The following CCDC14 variants were observed in gnomAD, a reference collection of about 807,000 sequenced individuals.
CCDC14 encodes the protein coiled-coil domain-containing protein 14.
Under a neutral mutation model 81.4 loss-of-function variants are expected in CCDC14, and 71 were observed. The observed-to-expected ratio is 0.87, with a 90% confidence interval of 0.72 to 1.06. The LOEUF (loss-of-function observed/expected upper bound fraction) is 1.06, where lower values mean the gene tolerates loss of function less well. Ranked by LOEUF, CCDC14 falls within the 50% of genes least tolerant of loss-of-function variation. CCDC14 has a pLI of 0.00. For missense variants in CCDC14, 1,046 were observed against 1,047.3 expected (o/e 1.00, Z 0.02); for synonymous variants, 332 against 364.8 (o/e 0.91, Z 1.03).
chr3:123,936,858 A>G (rs1279830981), intron 9 of CCDC14, among the ~76,000 whole-genome samples: 4 of 152,086 alleles, frequency 2.6e-5, no homozygotes, highest in African/African-American at 9.6e-5. Context: ...TTCAAAAAAC[A>G]TATTCATCAC....
rs2148778195 is a variant in CCDC14 at position 123,914,860 on chromosome 3, G to A, written c.2637C>T (p.Asp879=). 6.2e-7 allele frequency: 1 copy of A among 1,611,512 alleles called. No homozygotes were observed. Among genetic ancestry groups the A allele is most frequent in the African/African-American group, 1.3e-5 (1 of 75,016 alleles). Residue 879 remains aspartate, a synonymous_variant, in exon 13 of 13, where the codon GAC becomes GAT. Transcript: ENST00000409697. ...CTAATGCCGCAAGGCCATTTCTGAA[G>A]TCTTGTTCATCACGAGAAGTGAACG... ...FSTFTSRDEQ[D]FRNGLAALDA...
At chr3:123,925,801 A>G (rs552421619) in intron 12 of CCDC14, among the ~76,000 whole-genome samples, 6 of 152,306 alleles carry the variant, frequency 3.9e-5, no homozygotes, top group African/African-American at 1.2e-4. Context: ...GTCTCACTCC[A>G]AAATACAATA....
chr3:123,958,422 C>G (rs2037473393), intron 1 of CCDC14: 1 of 152,038 alleles, frequency 6.6e-6, no homozygotes, highest in Admixed American at 6.6e-5. Context: ...GATAAAAGCA[C>G]CTTGAAACAG....
intron 9 of CCDC14, among the ~76,000 whole-genome samples, chr3:123,938,594 T>C (rs894965914): frequency 2.0e-5 from 3 of 151,938 alleles, no homozygotes; most frequent in African/African-American, 7.2e-5. Context: ...TTTTATTTCT[T>C]CTTGCCTTAC....
intron 5 of CCDC14, among the ~76,000 whole-genome samples, chr3:123,897,977 T>C (rs1229666467): frequency 1.3e-5 from 2 of 152,228 alleles, no homozygotes; most frequent in African/African-American, 4.8e-5. Context: ...ATAAACTCAA[T>C]TTCCTACATA....
the CCDC14 span, among the ~76,000 whole-genome samples, chr3:123,887,341 A>G: frequency 6.6e-6 from 1 of 152,100 alleles, no homozygotes; most frequent in Non-Finnish European, 1.5e-5. Flanking sequence ...ATTCCTTAGG[A>G]AGGGCTCATG....
intron 12 of CCDC14, among the ~76,000 whole-genome samples, chr3:123,922,761 G>C (rs2035128492): frequency 6.6e-6 from 1 of 152,058 alleles, no homozygotes; most frequent in Non-Finnish European, 1.5e-5. Context: ...CAGCTTTATA[G>C]CTGAATTCTA....
At chr3:123,932,582 T>C (rs575306985) in intron 10 of CCDC14, among the ~76,000 whole-genome samples, 1 of 152,322 alleles carries the variant, frequency 6.6e-6, no homozygotes, top group Non-Finnish European at 1.5e-5. Flanking sequence ...TCTGGGGACA[T>C]ATTTTATCAA....
rs2034529040 is a variant in CCDC14, at chr3:123,914,199, T to C, written c.*580A>G. The C allele has an allele frequency of 1.7e-5, 17 of 984,642 alleles. No individual in the cohort carries two copies. The South Asian group carries it at 6.1e-4, about 35-fold the overall frequency. The allele number at this position is 984,642 out of a possible 1,614,324, so 61.0% of individuals were successfully genotyped here. A position where few individuals can be genotyped will look rare whatever the true frequency, so the allele number is the denominator to read the frequency against. On this transcript the variant is annotated 3_prime_UTR_variant, in exon 13 of 13. Transcript: ENST00000409697. ...AGTGCCCAAGTTTTAAGAAGCCATATGTTAACTTAGGATGTTATCTATATA... is the reference window on the plus strand; with the variant it reads ...AGTGCCCAAGTTTTAAGAAGCCATACGTTAACTTAGGATGTTATCTATATA...
chr3:123,934,336 C>T (rs1230455257), intron 9 of CCDC14, among the ~76,000 whole-genome samples: 5 of 144,768 alleles, frequency 3.5e-5, no homozygotes, highest in African/African-American at 1.3e-4. Flanking sequence ...TTTGTCTCTT[C>T]AGTGATTTGT....
At chr3:123,887,256 T>C in the CCDC14 span, among the ~76,000 whole-genome samples, 1 of 152,202 alleles carries the variant, frequency 6.6e-6, no homozygotes, top group Non-Finnish European at 1.5e-5. Flanking sequence ...AATATATATT[T>C]AATGCTTACC....
At chr3:123,915,996 CTT>C (rs55792519) in intron 12 of CCDC14, among the ~76,000 whole-genome samples, 11,020 of 139,370 alleles carry the variant, frequency 0.079, 1,148 homozygotes, top group East Asian at 0.42. Context: ...ATGTTTTACT[CTT>C]TTTTTTTTTT....
chr3:123,948,955 G>C lies in CCDC14; in HGVS notation c.530C>G (p.Thr177Ser). The C allele has an allele frequency of 1.2e-6, 2 of 1,614,008 alleles. No homozygotes were observed. The highest frequency in any genetic ancestry group is 1.7e-6 in the Non-Finnish European group (2 of 1,179,888). The change falls in exon 6 of 13, where the codon ACT becomes AGT. Residue 177 changes from threonine (T) to serine (S), a missense_variant. Coordinates refer to ENST00000409697, the MANE Select transcript of CCDC14 (RefSeq NM_001366335.1). ...QTQMSLMNDL[T>S]SKNIPNGIPA... Reference sequence around the variant, plus strand: ...AATTCCATTAGGGATGTTCTTTGAAGTCAAGTCATTCATCAGTGACATCTG... The same window carrying C: ...AATTCCATTAGGGATGTTCTTTGAACTCAAGTCATTCATCAGTGACATCTG...
chr3:123,912,024 A>T (rs540984961), downstream of CCDC14, among the ~76,000 whole-genome samples: 2 of 152,270 alleles, frequency 1.3e-5, no homozygotes, highest in Non-Finnish European at 2.9e-5. Context: ...GGATCTCTAC[A>T]CTTGGTCCAA....
At chr3:123,887,111 A>G in the CCDC14 span, among the ~76,000 whole-genome samples, 1 of 152,152 alleles carries the variant, frequency 6.6e-6, no homozygotes, top group African/African-American at 2.4e-5. Flanking sequence ...TTTTTTGCAT[A>G]TGCTATCCAT....
intron 12 of CCDC14, among the ~76,000 whole-genome samples, chr3:123,927,439 T>C (rs930104928): frequency 6.6e-6 from 1 of 151,854 alleles, no homozygotes; most frequent in Non-Finnish European, 1.5e-5. Context: ...AGTATAAAAC[T>C]GACATCAATG....
intron 12 of CCDC14, among the ~76,000 whole-genome samples, chr3:123,916,395 G>C (rs573208388): frequency 6.6e-6 from 1 of 151,974 alleles, no homozygotes; most frequent in South Asian, 2.1e-4. Flanking sequence ...GGTAGGCTAA[G>C]ATACAAAGGG....
chr3:123,902,282 C>T (rs1235468206), intron 5 of CCDC14, among the ~76,000 whole-genome samples: 3 of 152,166 alleles, frequency 2.0e-5, no homozygotes, highest in South Asian at 2.1e-4. Flanking sequence ...ATAGACAGTA[C>T]ACCTCATAAA....
At chr3:123,924,760 TTGA>T (rs1427786476) in intron 12 of CCDC14, among the ~76,000 whole-genome samples, 4 of 152,020 alleles carry the variant, frequency 2.6e-5, no homozygotes, top group Admixed American at 6.6e-5. Flanking sequence ...CTAACAAGTG[TTGA>T]TGAAGATGTG....
Sources: gnomAD v4.1 joint callset for allele counts (sites outside exome capture counted in the v4.1 genomes callset) on GRCh38, gnomAD v4.1.1 for gene constraint, MANE v1.5 for transcripts, NCBI Gene and HGNC (gene_info 2026-07-23, HGNC 2026-07-21) for gene names.